The following CMTM1 variants were observed in gnomAD, a reference collection of about 807,000 sequenced individuals.
CMTM1 encodes the protein CKLF-like MARVEL transmembrane domain-containing protein 1.
Under a neutral mutation model 17.8 loss-of-function variants are expected in CMTM1, and 16 were observed. That is an observed-to-expected ratio of 0.90 (90% CI 0.61 to 1.37). The LOEUF (loss-of-function observed/expected upper bound fraction) is 1.37. Ranked by LOEUF, CMTM1 falls within the 40% of genes most tolerant of loss-of-function variation. The pLI is 0.00. For missense variants in CMTM1, 354 were observed against 375.6 expected, an observed-to-expected ratio of 0.94 and a Z score of 0.47; for synonymous variants, 169 against 154.6, an observed-to-expected ratio of 1.09 and a Z score of -0.69.
intron 3 of CMTM1, 50 bp from the exon 4 acceptor site, chr16:66,578,780 CT>C (rs1768752036): frequency 6.3e-7 from 1 of 1,598,148 alleles, no homozygotes. Flanking sequence ...TGCTACTGAG[CT>C]GCAAAATAAC....
chr16:66,575,650 C>G (rs8052856), intron 2 of CMTM1, among the ~76,000 whole-genome samples: 2,425 of 152,296 alleles, frequency 0.016, 74 homozygotes, highest in African/African-American at 0.054. Flanking sequence ...CAAGCCTCCA[C>G]CATGTCCTCT....
At chr16:66,571,050 A>G in intron 2 of CMTM1, 1 of 434,718 alleles carries the variant, frequency 2.3e-6, no homozygotes, top group Non-Finnish European at 4.6e-6. Context: ...TAAAGTCAGA[A>G]TGTTCCTTTT....
intron 1 of CMTM1, 166 bp downstream of exon 1, chr16:66,567,111 A>G: frequency 1.4e-6 from 1 of 724,968 alleles, no homozygotes; most frequent in South Asian, 1.5e-5. Flanking sequence ...CCCACACACT[A>G]AACCTTTCCT....
rs759382301 is a variant in CMTM1 at position 66,566,981 on chromosome 16, T to C, written c.432+36T>C. The C allele has an allele frequency of 1.2e-6, 2 of 1,612,490 alleles. No individual in the cohort carries two copies. The highest frequency in any genetic ancestry group is 3.3e-5 in the Admixed American group (2 of 59,978). On this transcript the variant is annotated intron_variant, in intron 1 of 3. Transcript: ENST00000379500. This position sits in a 1 kb window ranked among gnomAD's most constrained non-coding sequence, Gnocchi z 4.9. ...AGCTGGTGAGACCTAGCTGGGCGGA[T>C]GTGGCCGGCAGTGGCCTCGGGGAAA...
chr16:66,567,016 G>T, intron 1 of CMTM1, 71 bp downstream of exon 1: 1 of 1,516,568 alleles, frequency 6.6e-7, no homozygotes, highest in Non-Finnish European at 9.1e-7. Context: ...ATGCCCACGG[G>T]GTGCCAGCTC....
intron 3 of CMTM1, 69 bp from the exon 4 acceptor site, chr16:66,578,762 C>T: frequency 1.3e-6 from 2 of 1,577,284 alleles, no homozygotes; most frequent in African/African-American, 1.3e-5. Context: ...GGGATAGGTT[C>T]GAGAGGTTGC....
chr16:66,570,039 T>G lies in CMTM1; in HGVS notation c.536T>G (p.Leu179Arg), dbSNP rs889826849. 1 of 1,611,860 alleles carries G rather than the reference T, an allele frequency of 6.2e-7. No individual in the cohort carries two copies. The highest frequency in any genetic ancestry group is 8.5e-7 in the Non-Finnish European group (1 of 1,178,466). The change falls in exon 2 of 4, where the codon CTA becomes CGA. Residue 179 changes from leucine to arginine, a missense_variant. Coordinates refer to ENST00000379500, the MANE Select transcript of CMTM1 (RefSeq NM_052999.4). ...LEICIVVFFI[L>R]IYVLTLHHLL... ...ATCTGCATTGTCGTTTTTTTTATTC[T>G]AATATATGTGCTAACCCTTCACCAC...
At chr16:66,575,993 T>C (rs2014185882) in intron 2 of CMTM1, among the ~76,000 whole-genome samples, 1 of 152,242 alleles carries the variant, frequency 6.6e-6, no homozygotes. Flanking sequence ...TCCTCCATTA[T>C]TGTTTTGCTA....
intron 3 of CMTM1, among the ~76,000 whole-genome samples, chr16:66,578,600 G>T (rs999712525): frequency 6.6e-6 from 1 of 152,110 alleles, no homozygotes; most frequent in African/African-American, 2.4e-5. Flanking sequence ...GACATCAAGC[G>T]AGGCTACTAC....
rs778519016 is a variant in CMTM1 at position 66,579,008 on chromosome 16, C to T, written c.*7C>T. On this transcript the variant is annotated 3_prime_UTR_variant, in exon 4 of 4. Coordinates refer to ENST00000379500, the MANE Select transcript of CMTM1 (RefSeq NM_052999.4). The surrounding 1 kb of genome is among the most constrained non-coding windows in gnomAD (Gnocchi z 6.5). The stretch of plus-strand genomic sequence containing the variant: ...CCCGCAGAGGCCCGCCTGAAGCCAG[C>T]CCGGCGCCCTAGCAGATGCACGTGT... The T allele has an allele frequency of 1.2e-6, 2 of 1,611,816 alleles. No homozygotes were observed. Among genetic ancestry groups the T allele is most frequent in the Admixed American group, 1.7e-5 (1 of 59,916 alleles).
In CMTM1 at chr16:66,566,951, CG is replaced by C; in HGVS notation, c.432+8del. On this transcript the variant is annotated splice_region_variant and intron_variant, in intron 1 of 3. Transcript: ENST00000379500. This position sits in a 1 kb window ranked among gnomAD's most constrained non-coding sequence, Gnocchi z 4.9. ...TGTTGAAGATCCTGAGACTGGTGAGCGGAGAGCTGGTGAGACCTAGCTGGGC... is the reference window on the plus strand; with the variant it reads ...TGTTGAAGATCCTGAGACTGGTGAGCGAGAGCTGGTGAGACCTAGCTGGGC... 1 of 1,614,034 alleles carries C rather than the reference CG, an allele frequency of 6.2e-7. No homozygotes were observed. Among genetic ancestry groups the C allele is most frequent in the Non-Finnish European group, 8.5e-7 (1 of 1,179,970 alleles).
In CMTM1 at chr16:66,566,756, C is replaced by T. The variant is rs766648884; in HGVS notation, c.243C>T (p.Ala81=). ...GSEGTAPSRK[A]TTRPPPKPTL... ...AGGGCACCGCACCCTCAAGGAAAGC[C>T]ACCACACGCCCACCCCCAAAGCCCA... is the stretch of plus-strand genomic sequence containing the variant. The change falls in exon 1 of 4, where the codon GCC becomes GCT. Residue 81 remains alanine, a synonymous_variant. Coordinates refer to ENST00000379500, the MANE Select transcript of CMTM1 (RefSeq NM_052999.4). This position sits in a 1 kb window ranked among gnomAD's most constrained non-coding sequence, Gnocchi z 4.9. 27 of 1,613,644 alleles carry T rather than the reference C, an allele frequency of 1.7e-5. No individual in the cohort carries two copies. The highest frequency in any genetic ancestry group is 2.3e-5 in the Non-Finnish European group (27 of 1,179,878).
chr16:66,573,579 AC>A (rs1213156087), intron 2 of CMTM1, among the ~76,000 whole-genome samples: 3 of 152,206 alleles, frequency 2.0e-5, no homozygotes, highest in Non-Finnish European at 4.4e-5. Context: ...AAAAAATGAA[AC>A]CAATGAAAGT....
intron 1 of CMTM1, chr16:66,567,153 T>C (rs1567370417): frequency 3.2e-6 from 2 of 625,870 alleles, no homozygotes; most frequent in South Asian, 3.6e-5. Context: ...CCCTATTTTT[T>C]CTTTTTTTTT....
chr16:66,577,853 G>C (rs1427620009), intron 3 of CMTM1, among the ~76,000 whole-genome samples: 1 of 152,190 alleles, frequency 6.6e-6, no homozygotes, highest in Non-Finnish European at 1.5e-5. Flanking sequence ...GTAGGGCTTT[G>C]GTTCAAGAAG....
Position 66,579,021 on chromosome 16 carries a change from C to T in CMTM1, c.*20C>T. On this transcript the variant is annotated 3_prime_UTR_variant, in exon 4 of 4. Transcript: ENST00000379500. The surrounding 1 kb of genome is among the most constrained non-coding windows in gnomAD (Gnocchi z 6.5). Reference sequence around the variant, plus strand: ...GCCTGAAGCCAGCCCGGCGCCCTAGCAGATGCACGTGTCTGTCGAATCGCT... The same window carrying T: ...GCCTGAAGCCAGCCCGGCGCCCTAGTAGATGCACGTGTCTGTCGAATCGCT... 6.2e-7 allele frequency: 1 copy of T among 1,610,000 alleles called. No homozygotes were observed. Among genetic ancestry groups the T allele is most frequent in the Non-Finnish European group, 8.5e-7 (1 of 1,178,726 alleles).
rs1458958481 is a variant in CMTM1 at position 66,566,705 on chromosome 16, A to AGCC, written c.198_200dup (p.Ala67dup). The AGCC allele has an allele frequency of 5.0e-6, 8 of 1,613,992 alleles. No individual in the cohort carries two copies. The highest frequency in any genetic ancestry group is 6.8e-6 in the Non-Finnish European group (8 of 1,179,974). On this transcript the variant is annotated inframe_insertion, in exon 1 of 4. Transcript: ENST00000379500. This position sits in a 1 kb window ranked among gnomAD's most constrained non-coding sequence, Gnocchi z 4.9. Reference sequence around the variant, plus strand: ...TCTCAATTCGCAGTGCGCAGTCCGCAGCCGCCGCACGTCCCCAAGGCAGTG... The same window carrying AGCC: ...TCTCAATTCGCAGTGCGCAGTCCGCAGCCGCCGCCGCACGTCCCCAAGGCAGTG...
At chr16:66,576,176 C>G (rs1410592577) in intron 2 of CMTM1, among the ~76,000 whole-genome samples, 1 of 152,132 alleles carries the variant, frequency 6.6e-6, no homozygotes, top group Non-Finnish European at 1.5e-5. Context: ...GCGGGTGGAT[C>G]ACTTGAGGTC....
At chr16:66,570,214 G>A in intron 2 of CMTM1, 120 bp downstream of exon 2, 3 of 783,054 alleles carry the variant, frequency 3.8e-6, no homozygotes, top group Non-Finnish European at 6.0e-6. Context: ...GCTGAGCTGT[G>A]ACAGTTAGGG....
Sources: gnomAD v4.1 joint callset for allele counts (sites outside exome capture counted in the v4.1 genomes callset) on GRCh38, gnomAD v4.1.1 for gene constraint, Gnocchi (gnomAD v3.1) non-coding constraint, MANE v1.5 for transcripts, NCBI Gene and HGNC (gene_info 2026-07-23, HGNC 2026-07-21) for gene names.